EYS: variants seen among roughly 807,000 people sequenced by gnomAD.
EYS encodes the protein protein eyes shut homolog.
A neutral mutation model predicts 282.1 loss-of-function variants in EYS; 250 were observed. The ratio of observed to expected loss-of-function variants is 0.89; its 90% CI spans 0.80 to 0.98. EYS has a LOEUF of 0.98. Ranked by LOEUF, EYS falls within the 50% of genes least tolerant of loss-of-function variation. EYS has a pLI of 0.00. For missense variants in EYS, 4,016 were observed against 3,709.0 expected (o/e 1.08, Z -2.15); for synonymous variants, 1,355 against 1,282.9 (o/e 1.06, Z -1.20).
At chr6:65,289,365 T>C (rs1768458226) in intron 12 of EYS, among the ~76,000 whole-genome samples, 1 of 150,996 alleles carries the variant, frequency 6.6e-6, no homozygotes, top group Admixed American at 6.6e-5. Context: ...TAGATGTAAA[T>C]GTTATATAGT....
intron 19 of EYS, among the ~76,000 whole-genome samples, chr6:64,880,941 A>C (rs1204267270): frequency 6.6e-6 from 1 of 151,104 alleles, no homozygotes; most frequent in Non-Finnish European, 1.5e-5. Flanking sequence ...AATGTGAATA[A>C]ATTTTTTTTT....
intron 11 of EYS, among the ~76,000 whole-genome samples, chr6:65,301,546 G>T (rs1272482583): frequency 6.6e-6 from 1 of 152,236 alleles, no homozygotes; most frequent in Non-Finnish European, 1.5e-5. Context: ...CGAGAAGAAA[G>T]ACGTGGCAGC....
intron 19 of EYS, among the ~76,000 whole-genome samples, chr6:64,843,413 CT>C: frequency 6.6e-6 from 1 of 152,236 alleles, no homozygotes; most frequent in East Asian, 1.9e-4. Context: ...GGGCTATACC[CT>C]GAAAAGCCAC....
chr6:65,327,209 C>T (rs1169070928), intron 11 of EYS, among the ~76,000 whole-genome samples: 9 of 151,530 alleles, frequency 5.9e-5, no homozygotes, highest in Non-Finnish European at 3.0e-5. Flanking sequence ...TAGTTCCAGC[C>T]TTGTTCTCAA....
chr6:64,018,290 A>G (rs1768992103), intron 33 of EYS, among the ~76,000 whole-genome samples: 1 of 152,220 alleles, frequency 6.6e-6, no homozygotes, highest in African/African-American at 2.4e-5. Context: ...TGACCTAGAT[A>G]TAGTATAAAC....
chr6:65,141,383 C>A lies in EYS; in HGVS notation c.2024-83656G>T, dbSNP rs1315637028. The stretch of plus-strand genomic sequence containing the variant: ...GGGAGGGATAGCATTAGGAGATATA[C>A]CTAATGCTAAATGACGAGTTAATGG... On this transcript the variant is annotated intron_variant, in intron 12 of 42. Transcript: ENST00000503581. Among the ~76,000 whole-genome samples, 5 of 151,834 alleles carry A rather than the reference C, an allele frequency of 3.3e-5. No homozygotes were observed. The East Asian group carries it at 5.8e-4, about 18-fold the overall frequency.
At chr6:64,410,800 G>C (rs1391243083) in intron 28 of EYS, among the ~76,000 whole-genome samples, 1 of 152,104 alleles carries the variant, frequency 6.6e-6, no homozygotes, top group Non-Finnish European at 1.5e-5. Context: ...GGTTTTTACT[G>C]TGTGTCTATG....
chr6:64,735,314 A>C (rs1317647578), intron 22 of EYS, among the ~76,000 whole-genome samples: 1 of 152,052 alleles, frequency 6.6e-6, no homozygotes, highest in Non-Finnish European at 1.5e-5. Flanking sequence ...CGATCTCCTG[A>C]CCTCGTGATC....
rs536692473 is a variant in EYS at position 65,348,425 on chromosome 6, G to A, written c.1460-4248C>T. Among the ~76,000 whole-genome samples the A allele has an allele frequency of 5.9e-5, 9 of 151,626 alleles. No individual in the cohort carries two copies. In the East Asian group the frequency reaches 1.8e-3, roughly 29 times the overall value. On this transcript the variant is annotated intron_variant, in intron 9 of 42. Coordinates refer to ENST00000503581, the MANE Select transcript of EYS (RefSeq NM_001142800.2). ...TTGCCTGTCCTTTGCACTAGGGTGA[G>A]ATGACATCTCATTTTAGTTATGATT...
At chr6:64,787,689 C>A (rs1444766172) in intron 22 of EYS, among the ~76,000 whole-genome samples, 1 of 149,150 alleles carries the variant, frequency 6.7e-6, no homozygotes, top group African/African-American at 2.4e-5. Context: ...AATAATATGT[C>A]TATATATTAT....
chr6:65,681,294 C>G (rs1768804600), intron 1 of EYS, among the ~76,000 whole-genome samples: 1 of 152,024 alleles, frequency 6.6e-6, no homozygotes, highest in South Asian at 2.1e-4. Context: ...TGGGGGCTAA[C>G]AGCTATCAGC....
intron 30 of EYS, among the ~76,000 whole-genome samples, chr6:64,297,179 T>TG (rs1181603975): frequency 2.6e-5 from 4 of 152,204 alleles, no homozygotes; most frequent in Non-Finnish European, 4.4e-5. Context: ...CACTGATTAC[T>TG]GCTTCTGATA....
intron 31 of EYS, among the ~76,000 whole-genome samples, chr6:64,174,772 C>T (rs1223385375): frequency 6.6e-6 from 1 of 151,910 alleles, no homozygotes; most frequent in Non-Finnish European, 1.5e-5. Context: ...CACTAAAATG[C>T]ATGTAATAAT....
chr6:65,255,387 T>C (rs1018541375), intron 12 of EYS, among the ~76,000 whole-genome samples: 1 of 151,852 alleles, frequency 6.6e-6, no homozygotes, highest in Non-Finnish European at 1.5e-5. Flanking sequence ...AAAAATAAAT[T>C]AATAACTTAA....
At chr6:65,531,773 A>G (rs1457864005) in intron 2 of EYS, among the ~76,000 whole-genome samples, 2 of 152,176 alleles carry the variant, frequency 1.3e-5, no homozygotes, top group Non-Finnish European at 2.9e-5. Context: ...TGAAAGATAG[A>G]AAACAGCTAA....
intron 2 of EYS, among the ~76,000 whole-genome samples, chr6:65,569,198 C>G (rs1020938346): frequency 6.6e-6 from 1 of 152,138 alleles, no homozygotes. Context: ...AAAGCTCCCC[C>G]ACTGAGCACC....
chr6:64,669,244 TTAC>T (rs1227470951), intron 22 of EYS, among the ~76,000 whole-genome samples: 2 of 152,192 alleles, frequency 1.3e-5, no homozygotes, highest in African/African-American at 2.4e-5. Context: ...TTATCTTACT[TTAC>T]AGATTAGTCT....
At chr6:64,138,246 A>G (rs932283496) in intron 31 of EYS, among the ~76,000 whole-genome samples, 17 of 152,184 alleles carry the variant, frequency 1.1e-4, no homozygotes, top group African/African-American at 3.9e-4. Flanking sequence ...AAAAAGAAAA[A>G]GAGGAATGGC....
intron 33 of EYS, among the ~76,000 whole-genome samples, chr6:64,046,133 G>T (rs1770616881): frequency 6.7e-6 from 1 of 148,686 alleles, no homozygotes; most frequent in African/African-American, 2.5e-5. Flanking sequence ...AAATACGTTA[G>T]AAATATATTT....
Sources: allele counts gnomAD v4.1 joint callset (sites outside exome capture counted in the v4.1 genomes callset), GRCh38; gene constraint gnomAD v4.1.1; transcripts MANE v1.5; gene names NCBI Gene and HGNC (gene_info 2026-07-23, HGNC 2026-07-21).